Variants in GNAQ observed in about 807,000 individuals in gnomAD.
GNAQ encodes G protein subunit alpha q.
A neutral mutation model predicts 43.9 loss-of-function variants in GNAQ; 8 were observed. That is an observed-to-expected ratio of 0.18 (90% CI 0.11 to 0.33). GNAQ has a LOEUF of 0.33. GNAQ is among the 10% of genes least tolerant of loss of function. GNAQ has a pLI of 1.00. For missense variants in GNAQ, 158 were observed against 450.8 expected (o/e 0.35, Z 5.88); for synonymous variants, 155 against 170.7 (o/e 0.91, Z 0.71).
rs1825283994 is a variant in GNAQ at position 77,719,904 on chromosome 9, A to G, written c.*1419T>C. On this transcript the variant is annotated 3_prime_UTR_variant, in exon 7 of 7. Coordinates refer to ENST00000286548, the MANE Select transcript of GNAQ (RefSeq NM_002072.5). ...CCTAATCAGTTACCAGTTCAAGAAG[A>G]TCATGAAGGTGGTAAACTAGCAGGA... is the stretch of plus-strand genomic sequence containing the variant. The G allele has an allele frequency of 8.6e-6, 2 of 232,510 alleles. No individual in the cohort carries two copies. The highest frequency in any genetic ancestry group is 4.4e-5 in the African/African-American group (2 of 45,322). 14.4% of individuals were successfully genotyped at this position (232,510 alleles called of 1,614,324 possible).
intron 1 of GNAQ, among the ~76,000 whole-genome samples, chr9:77,954,491 G>C (rs1438432018): frequency 6.6e-6 from 1 of 152,132 alleles, no homozygotes; most frequent in Admixed American, 6.5e-5. Flanking sequence ...ACAGGAGAAC[G>C]ATACAAAGAG....
chr9:77,801,810 T>A (rs1826747242), intron 3 of GNAQ, among the ~76,000 whole-genome samples: 1 of 152,124 alleles, frequency 6.6e-6, no homozygotes, highest in South Asian at 2.1e-4. Context: ...TAGAGTAAAA[T>A]CTGGGAAGCT....
chr9:77,879,613 T>C (rs763582943), intron 2 of GNAQ, among the ~76,000 whole-genome samples: 4 of 152,242 alleles, frequency 2.6e-5, no homozygotes, highest in Non-Finnish European at 2.9e-5. Flanking sequence ...CAAAGGCATA[T>C]CTTCTAGTTT....
rs1825682986 is a variant in GNAQ at position 77,743,349 on chromosome 9, T to G, written c.736-14682A>C. Among the ~76,000 whole-genome samples the G allele has an allele frequency of 2.6e-5, 4 of 152,142 alleles. No homozygotes were observed. In the South Asian group the frequency reaches 8.3e-4, roughly 31 times the overall value. The stretch of plus-strand genomic sequence containing the variant: ...GTCGGCACAGAGCCATGAAAGAGTG[T>G]ATCACACTTAAAACCTCTGGGGTGA... On this transcript the variant is annotated intron_variant, in intron 5 of 6. Transcript: ENST00000286548.
At chr9:77,754,774 T>C (rs1825871978) in intron 5 of GNAQ, among the ~76,000 whole-genome samples, 1 of 152,242 alleles carries the variant, frequency 6.6e-6, no homozygotes, top group East Asian at 1.9e-4. Context: ...GCGTTATTGG[T>C]AGGAATGTAA....
chr9:77,901,569 C>T (rs1205499844), intron 2 of GNAQ, among the ~76,000 whole-genome samples: 1 of 152,118 alleles, frequency 6.6e-6, no homozygotes, highest in African/African-American at 2.4e-5. Context: ...CTCTTAGGCT[C>T]CCTCAATGTC....
chr9:77,969,653 G>C (rs1254765065), intron 1 of GNAQ, among the ~76,000 whole-genome samples: 1 of 152,154 alleles, frequency 6.6e-6, no homozygotes, highest in Non-Finnish European at 1.5e-5. Flanking sequence ...GTAGTTTGAA[G>C]AGCACTGGAA....
intron 3 of GNAQ, among the ~76,000 whole-genome samples, chr9:77,800,401 T>G (rs1296262721): frequency 1.3e-5 from 2 of 151,990 alleles, no homozygotes; most frequent in African/African-American, 2.4e-5. Flanking sequence ...CCATAAAAAA[T>G]GATGAGTTCA....
chr9:78,009,079 A>C (rs1461516896), intron 1 of GNAQ, among the ~76,000 whole-genome samples: 2 of 152,220 alleles, frequency 1.3e-5, no homozygotes, highest in African/African-American at 4.8e-5. Flanking sequence ...GATTAAATCT[A>C]TTTGGCTGTA....
chr9:77,922,547 A>C (rs943773619), intron 1 of GNAQ, among the ~76,000 whole-genome samples: 3 of 152,146 alleles, frequency 2.0e-5, no homozygotes, highest in Non-Finnish European at 4.4e-5. Context: ...ATGACCTCAA[A>C]CAACAACAAT....
At chr9:77,851,386 G>GA (rs1587945108) in intron 2 of GNAQ, among the ~76,000 whole-genome samples, 1 of 152,106 alleles carries the variant, frequency 6.6e-6, no homozygotes, top group East Asian at 1.9e-4. Flanking sequence ...TAAGGTTTCT[G>GA]ATATGTGTCA....
intron 5 of GNAQ, among the ~76,000 whole-genome samples, chr9:77,743,805 C>T (rs947167995): frequency 1.2e-4 from 19 of 152,164 alleles, no homozygotes; most frequent in Non-Finnish European, 1.8e-4. Context: ...CAATATCTTC[C>T]TTAAGGTTTG....
intron 1 of GNAQ, among the ~76,000 whole-genome samples, chr9:78,007,719 C>G (rs1188867877): frequency 1.3e-5 from 2 of 152,184 alleles, no homozygotes; most frequent in Non-Finnish European, 2.9e-5. Context: ...TTTGACAAAT[C>G]AGGGATACTT....
At chr9:77,868,758 G>C (rs1012477779) in intron 2 of GNAQ, among the ~76,000 whole-genome samples, 2 of 152,198 alleles carry the variant, frequency 1.3e-5, no homozygotes, top group East Asian at 3.9e-4. Context: ...TCGGGCCACT[G>C]CACTCCAGCC....
At chr9:77,929,585 C>T (rs1829118103) in intron 1 of GNAQ, among the ~76,000 whole-genome samples, 1 of 152,096 alleles carries the variant, frequency 6.6e-6, no homozygotes, top group African/African-American at 2.4e-5. Flanking sequence ...AATCCCAGCA[C>T]TGTGGGACGC....
At chr9:77,754,794 G>C (rs952721339) in intron 5 of GNAQ, among the ~76,000 whole-genome samples, 1 of 152,158 alleles carries the variant, frequency 6.6e-6, no homozygotes, top group African/African-American at 2.4e-5. Context: ...AATTAGCACA[G>C]CCACTATGGA....
chr9:77,959,480 C>A (rs1823081389), intron 1 of GNAQ, among the ~76,000 whole-genome samples: 1 of 152,086 alleles, frequency 6.6e-6, no homozygotes, highest in Admixed American at 6.6e-5. Flanking sequence ...AAACAGACTG[C>A]CATTGCAAGT....
At chr9:78,028,718 C>T (rs1824012901) in intron 1 of GNAQ, among the ~76,000 whole-genome samples, 1 of 152,170 alleles carries the variant, frequency 6.6e-6, no homozygotes, top group African/African-American at 2.4e-5. Flanking sequence ...GGAACCAGAA[C>T]ATTCAGTGTA....
At chr9:78,011,143 G>A (rs1288872488) in intron 1 of GNAQ, among the ~76,000 whole-genome samples, 1 of 152,184 alleles carries the variant, frequency 6.6e-6, no homozygotes, top group Non-Finnish European at 1.5e-5. Flanking sequence ...ACTCAAAAGA[G>A]AAGGACAAAC....
Sources: allele counts gnomAD v4.1 joint callset (sites outside exome capture counted in the v4.1 genomes callset), GRCh38; gene constraint gnomAD v4.1.1; transcripts MANE v1.5; gene names NCBI Gene and HGNC (gene_info 2026-07-23, HGNC 2026-07-21).